CCDC141: variants seen among roughly 807,000 people sequenced by gnomAD.
CCDC141 encodes coiled-coil domain containing 141, also known as coiled-coil domain-containing protein 141.
Under a neutral mutation model 181.0 loss-of-function variants are expected in CCDC141, and 168 were observed. The ratio of observed to expected loss-of-function variants is 0.93; its 90% CI spans 0.82 to 1.05. The LOEUF (loss-of-function observed/expected upper bound fraction) is 1.05. Among genes scored for constraint, CCDC141 ranks in the 50% least tolerant of loss-of-function variants. CCDC141 has a pLI of 0.00. For synonymous variants in CCDC141, 666 were observed against 642.3 expected (o/e 1.04, Z -0.56); for missense variants, 1,902 against 1,788.5 (o/e 1.06, Z -1.14).
Position 178,855,557 on chromosome 2 carries a change from A to T in CCDC141, c.2866-16T>A, listed in dbSNP as rs372514164. On this transcript the variant is annotated splice_polypyrimidine_tract_variant and intron_variant, in intron 18 of 23. Coordinates refer to ENST00000443758, the MANE Select transcript of CCDC141 (RefSeq NM_173648.4). Reference sequence around the variant, plus strand: ...TTTTCAAAGCCTGTGTGAAAAACAAAAAGTTTTTTAAACAACATTCAATTT... The same window carrying T: ...TTTTCAAAGCCTGTGTGAAAAACAATAAGTTTTTTAAACAACATTCAATTT... 5.9e-5 allele frequency: 90 copies of T among 1,516,508 alleles called. No individual in the cohort carries two copies. The highest frequency in any genetic ancestry group is 8.0e-5 in the Non-Finnish European group (90 of 1,124,444). The allele number at this position is 1,516,508 out of a possible 1,614,324, so 93.9% of individuals were successfully genotyped here.
chr2:178,834,117 G>T lies in CCDC141; in HGVS notation c.*56C>A. 2 of 1,504,498 alleles carry T rather than the reference G, an allele frequency of 1.3e-6. No homozygotes were observed. The highest frequency in any genetic ancestry group is 1.8e-6 in the Non-Finnish European group (2 of 1,122,412). 93.2% of individuals were successfully genotyped at this position (1,504,498 alleles called of 1,614,324 possible). A position where few individuals can be genotyped will look rare whatever the true frequency, so the allele number is the denominator to read the frequency against. On this transcript the variant is annotated 3_prime_UTR_variant, in exon 24 of 24. Coordinates refer to ENST00000443758, the MANE Select transcript of CCDC141 (RefSeq NM_173648.4). ...TTGCAGGAGGTGCAGGAAGATAAAC[G>T]GCGGCACTTTTCTTTAGGCACATGA...
intron 3 of CCDC141, among the ~76,000 whole-genome samples, chr2:178,977,694 A>G (rs1392071238): frequency 6.6e-6 from 1 of 152,150 alleles, no homozygotes; most frequent in Non-Finnish European, 1.5e-5. Context: ...TCTAGTTTAA[A>G]ATGTCATATT....
intron 17 of CCDC141, among the ~76,000 whole-genome samples, chr2:178,858,551 G>C (rs1430625459): frequency 6.6e-6 from 1 of 152,028 alleles, no homozygotes; most frequent in Non-Finnish European, 1.5e-5. Flanking sequence ...TTCTGCAGAT[G>C]GATGGTAGTG....
intron 18 of CCDC141, among the ~76,000 whole-genome samples, chr2:178,855,975 A>C (rs1477024778): frequency 2.0e-5 from 3 of 152,192 alleles, no homozygotes; most frequent in Non-Finnish European, 4.4e-5. Flanking sequence ...AGGCACGTGC[A>C]TGCATCCATG....
At chr2:178,859,891 G>T (rs1000547867) in intron 17 of CCDC141, among the ~76,000 whole-genome samples, 8 of 152,166 alleles carry the variant, frequency 5.3e-5, no homozygotes, top group African/African-American at 1.9e-4. Flanking sequence ...GCTTGCTATT[G>T]TTAGTCTTGA....
intron 6 of CCDC141, among the ~76,000 whole-genome samples, chr2:178,920,396 T>C (rs1181884404): frequency 6.6e-6 from 1 of 152,170 alleles, no homozygotes; most frequent in Non-Finnish European, 1.5e-5. Context: ...TCCCCAGCAC[T>C]ATGCTAAGAC....
At position 178,860,543 on chromosome 2, in the gene CCDC141, C is replaced by CTTTTTTTT. The variant is rs71023458; in HGVS notation, c.2725-4154_2725-4147dup. On this transcript the variant is annotated intron_variant, in intron 17 of 23. Transcript: ENST00000443758. Reference sequence around the variant, plus strand: ...GCGAGACTCAAAAAAAAAAACAACACTTTTTTTTTTTTTTTTTTTTTTTTT... The same window carrying CTTTTTTTT: ...GCGAGACTCAAAAAAAAAAACAACACTTTTTTTTTTTTTTTTTTTTTTTTTTTTTTTTT... Among the ~76,000 whole-genome samples the CTTTTTTTT allele has an allele frequency of 9.0e-4, 46 of 51,356 alleles. 8 individuals are homozygous for CTTTTTTTT. The highest frequency in any genetic ancestry group is 3.0e-3 in the African/African-American group (35 of 11,864). The allele number at this position is 51,356 out of a possible 152,430, so 33.7% of individuals were successfully genotyped here. A position where few individuals can be genotyped will look rare whatever the true frequency, so the allele number is the denominator to read the frequency against.
At chr2:179,038,534 T>C (rs774604209) in intron 2 of CCDC141, among the ~76,000 whole-genome samples, 13 of 152,172 alleles carry the variant, frequency 8.5e-5, no homozygotes, top group African/African-American at 1.7e-4. Flanking sequence ...TGTTTTACCA[T>C]AATAAAAATA....
chr2:178,855,698 C>T (rs1198547021), intron 18 of CCDC141, among the ~76,000 whole-genome samples, 157 bp from the exon 19 acceptor site: 5 of 152,046 alleles, frequency 3.3e-5, no homozygotes, highest in South Asian at 2.1e-4. Context: ...GAATGGGTTT[C>T]CCCCCAAATT....
intron 3 of CCDC141, among the ~76,000 whole-genome samples, chr2:178,975,944 G>A (rs976079386): frequency 5.3e-5 from 8 of 152,170 alleles, no homozygotes; most frequent in African/African-American, 1.9e-4. Flanking sequence ...AATGACAAGT[G>A]AGAAATTTAT....
intron 8 of CCDC141, among the ~76,000 whole-genome samples, chr2:178,898,597 G>T (rs762148285): frequency 6.6e-6 from 1 of 152,160 alleles, no homozygotes; most frequent in Non-Finnish European, 1.5e-5. Context: ...CAGATTAGAT[G>T]CAGGAAATAG....
At chr2:178,995,109 G>T (rs1189791142) in intron 2 of CCDC141, among the ~76,000 whole-genome samples, 4 of 152,098 alleles carry the variant, frequency 2.6e-5, no homozygotes, top group African/African-American at 9.7e-5. Flanking sequence ...CACATTTCAG[G>T]TATCTTTTCA....
intron 2 of CCDC141, among the ~76,000 whole-genome samples, chr2:178,997,362 T>C (rs1241216078): frequency 2.0e-5 from 3 of 152,114 alleles, no homozygotes; most frequent in African/African-American, 2.4e-5. Flanking sequence ...TGAGCCTCCA[T>C]GGAGGCTACT....
chr2:178,954,672 A>C (rs1575262342), intron 5 of CCDC141, among the ~76,000 whole-genome samples: 1 of 152,178 alleles, frequency 6.6e-6, no homozygotes, highest in East Asian at 1.9e-4. Context: ...CATCCACATT[A>C]TTATTCATCA....
At chr2:178,905,135 T>C (rs182057509) in intron 8 of CCDC141, among the ~76,000 whole-genome samples, 194 bp downstream of exon 8, 1 of 152,298 alleles carries the variant, frequency 6.6e-6, no homozygotes, top group South Asian at 2.1e-4. Flanking sequence ...GCTCAGAATA[T>C]GGCCTCACTT....
chr2:178,888,445 C>G (rs1356490839), intron 9 of CCDC141, 82 bp downstream of exon 9: 2 of 1,310,522 alleles, frequency 1.5e-6, no homozygotes, highest in Middle Eastern at 2.4e-4. Flanking sequence ...TGCCCCTGTC[C>G]TCCCGCCATG....
intron 8 of CCDC141, 72 bp from the exon 9 acceptor site, chr2:178,888,740 G>T: frequency 2.0e-6 from 3 of 1,495,142 alleles, no homozygotes; most frequent in Non-Finnish European, 1.8e-6. Flanking sequence ...AAACAGATCT[G>T]CTCTCATGTT....
chr2:178,910,925 C>T (rs1688191880), intron 7 of CCDC141, among the ~76,000 whole-genome samples: 1 of 152,224 alleles, frequency 6.6e-6, no homozygotes, highest in African/African-American at 2.4e-5. Context: ...GTATCTGAAG[C>T]ATTTTATCAA....
At chr2:178,958,365 G>A (rs1356817649) in intron 5 of CCDC141, among the ~76,000 whole-genome samples, 1 of 152,074 alleles carries the variant, frequency 6.6e-6, no homozygotes, top group African/African-American at 2.4e-5. Flanking sequence ...GCTATTCTGA[G>A]GGGGGATGCT....
Sources: allele counts gnomAD v4.1 joint callset (sites outside exome capture counted in the v4.1 genomes callset), GRCh38; gene constraint gnomAD v4.1.1; transcripts MANE v1.5; gene names NCBI Gene and HGNC (gene_info 2026-07-23, HGNC 2026-07-21).